SRCAP: variants seen among roughly 807,000 people sequenced by gnomAD.
SRCAP encodes Snf2 related CREBBP activator protein, also known as chromatin remodeling protein SRCAP.
In SRCAP, 46 loss-of-function variants were observed where a neutral mutation model predicts 263.1. The observed-to-expected ratio is 0.17, with a 90% CI of 0.14 to 0.22. SRCAP has a LOEUF of 0.22. Among genes scored for constraint, SRCAP ranks in the 10% least tolerant of loss-of-function variants. The pLI, the probability that SRCAP is intolerant of heterozygous loss-of-function variation, is 1.00. For missense variants in SRCAP, 3,695 were observed against 4,181.9 expected, an observed-to-expected ratio of 0.88 and a Z score of 3.21; for synonymous variants, 1,813 against 1,662.1, an observed-to-expected ratio of 1.09 and a Z score of -2.21.
Position 30,724,585 on chromosome 16 carries a change from G to T in SRCAP, c.5161G>T (p.Ala1721Ser), listed in dbSNP as rs776319241. ...FPTQTLSLTP[A>S]SSLVPTPAQT... Reference sequence around the variant, plus strand: ...AACTCAGACATTGTCATTAACTCCAGCATCATCCCTGGTACCAACTCCAGC... The same window carrying T: ...AACTCAGACATTGTCATTAACTCCATCATCATCCCTGGTACCAACTCCAGC... Residue 1721 changes from alanine (A) to serine (S), a missense_variant, in exon 25 of 34, where the codon GCA becomes TCA. Around this residue, in one of 12 missense-constraint regions of SRCAP, gnomAD observed 1,347 missense variants for 1,304.4 expected, o/e 1.03. Transcript: ENST00000262518. The T allele has an allele frequency of 6.2e-7, 1 of 1,614,128 alleles. No individual in the cohort carries two copies. Among genetic ancestry groups the T allele is most frequent in the South Asian group, 1.1e-5 (1 of 91,084 alleles).
At position 30,733,482 on chromosome 16, in the gene SRCAP, A is replaced by G; in HGVS notation, c.6297+33A>G. 2.5e-6 allele frequency: 4 copies of G among 1,612,662 alleles called. No individual in the cohort carries two copies. Among genetic ancestry groups the G allele is most frequent in the Non-Finnish European group, 3.4e-6 (4 of 1,179,034 alleles). ...AGGTTTCTGCAGCTCTTAGAGGCTCACCTCCGCTTCTCTCTCCTTTTCCCA... is the reference window on the plus strand; with the variant it reads ...AGGTTTCTGCAGCTCTTAGAGGCTCGCCTCCGCTTCTCTCTCCTTTTCCCA... On this transcript the variant is annotated intron_variant, in intron 28 of 33. Coordinates refer to ENST00000262518, the MANE Select transcript of SRCAP (RefSeq NM_006662.3). This position sits in a 1 kb window ranked among gnomAD's most constrained non-coding sequence, Gnocchi z 5.3.
chr16:30,735,567 C>CTTGTAA (rs1555465795), intron 31 of SRCAP, among the ~76,000 whole-genome samples: 11 of 69,588 alleles, frequency 1.6e-4, no homozygotes, highest in Non-Finnish European at 2.5e-4. Context: ...TTTGACATTA[C>CTTGTAA]TTTTTTTTTT....
chr16:30,734,414 TC>T, intron 30 of SRCAP, 81 bp from the exon 31 acceptor site: 1 of 1,582,068 alleles, frequency 6.3e-7, no homozygotes, highest in South Asian at 1.1e-5. Flanking sequence ...CCCTGACAGT[TC>T]CAAGAACCAT....
At chr16:30,713,895 A>G (rs2052917300) in intron 16 of SRCAP, among the ~76,000 whole-genome samples, 184 bp downstream of exon 16, 2 of 128,116 alleles carry the variant, frequency 1.6e-5, no homozygotes, top group African/African-American at 2.5e-5. Context: ...TTAGTCATCA[A>G]TTCTGTTTTT....
rs141507568 is a variant in SRCAP at position 30,723,072 on chromosome 16, G to A, written c.4002G>A (p.Pro1334=). 192 of 1,614,004 alleles carry A rather than the reference G, an allele frequency of 1.2e-4. 1 individual carries two copies. The highest frequency in any genetic ancestry group is 1.5e-4 in the Non-Finnish European group (176 of 1,180,004). Reference sequence around the variant, plus strand: ...CATTGGCCCCAGCACCCCGGCCTCCGAGCTCTGGGCTTCCAGCTGTGTTGA... The same window carrying A: ...CATTGGCCCCAGCACCCCGGCCTCCAAGCTCTGGGCTTCCAGCTGTGTTGA... ...VPPLAPAPRP[P]SSGLPAVLNP... is the part of the protein sequence containing the mutation. Residue 1334 remains proline (P), a synonymous_variant, in exon 24 of 34, where the codon CCG becomes CCA. Transcript: ENST00000262518.
At chr16:30,730,656 T>A (rs1200897770) in intron 27 of SRCAP, among the ~76,000 whole-genome samples, 1 of 151,970 alleles carries the variant, frequency 6.6e-6, no homozygotes, top group East Asian at 1.9e-4. Context: ...GGTCTCGATC[T>A]CCTGACCTCG....
intron 3 of SRCAP, 142 bp from the exon 4 acceptor site, chr16:30,703,922 C>T (rs1051860904): frequency 2.9e-6 from 3 of 1,036,642 alleles, no homozygotes; most frequent in African/African-American, 1.6e-5. Flanking sequence ...AAACTTTATC[C>T]CGAACGTTTG....
Position 30,738,952 on chromosome 16 carries a change from A to G in SRCAP, c.8912A>G (p.His2971Arg), listed in dbSNP as rs138363895. Residue 2971 changes from histidine to arginine, a missense_variant, in exon 34 of 34, where the codon CAC becomes CGC. This residue lies in a region of SRCAP where 1,207 missense variants were observed against 1,142.9 expected (regional missense o/e 1.06). Coordinates refer to ENST00000262518, the MANE Select transcript of SRCAP (RefSeq NM_006662.3). ...GAAAGTCGGACACAGCCACCCCCAC[A>G]CCCATCACCCCTAACCCCACTCCCA... Reference protein sequence around the residue: ...NSESRTQPPPHPSPLTPLPPL... With the variant: ...NSESRTQPPPRPSPLTPLPPL... The G allele has an allele frequency of 1.2e-6, 2 of 1,613,254 alleles. No homozygotes were observed. The highest frequency in any genetic ancestry group is 2.7e-5 in the African/African-American group (2 of 74,800).
chr16:30,737,952 G>A lies in SRCAP; in HGVS notation c.7912G>A (p.Glu2638Lys). 1 of 1,614,214 alleles carries A rather than the reference G, an allele frequency of 6.2e-7. No homozygotes were observed. The highest frequency in any genetic ancestry group is 8.5e-7 in the Non-Finnish European group (1 of 1,180,040). Residue 2638 changes from glutamate (E) to lysine (K), a missense_variant, in exon 34 of 34, where the codon GAA becomes AAA. Physicochemically the swap from Glu to Lys is moderately conservative, Grantham distance 56. Around this residue, in one of 12 missense-constraint regions of SRCAP, gnomAD observed 1,207 missense variants for 1,142.9 expected, o/e 1.06. Transcript: ENST00000262518. Reference sequence around the variant, plus strand: ...GGGGACCACCCTTACAGTGCTGCCTGAAGGTGAGGAGTTGCCCCTGTGTGT... The same window carrying A: ...GGGGACCACCCTTACAGTGCTGCCTAAAGGTGAGGAGTTGCCCCTGTGTGT... ...AEGTTLTVLPEGEELPLCVSE... is the reference protein window; with the variant it reads ...AEGTTLTVLPKGEELPLCVSE...
At chr16:30,720,024 T>A (rs1596653196) in intron 18 of SRCAP, 138 bp from the exon 19 acceptor site, 4 of 847,846 alleles carry the variant, frequency 4.7e-6, no homozygotes, top group Non-Finnish European at 7.3e-6. Context: ...TAGCTCCCAC[T>A]TGTGAGTGAG....
At position 30,715,287 on chromosome 16, in the gene SRCAP, C is replaced by G. The variant is rs551341788; in HGVS notation, c.2494-779C>G. Among the ~76,000 whole-genome samples the G allele has an allele frequency of 2.0e-5, 3 of 152,338 alleles. No individual in the cohort carries two copies. In the East Asian group the frequency reaches 5.8e-4, roughly 29 times the overall value. ...CTAAGCTAGAAAACAGGAAGTCGGC[C>G]GGGCGCGGTGGCTCACGCCTGTAAT... On this transcript the variant is annotated intron_variant, in intron 16 of 33. Coordinates refer to ENST00000262518, the MANE Select transcript of SRCAP (RefSeq NM_006662.3).
At chr16:30,725,409 C>A in intron 25 of SRCAP, 1 of 308,474 alleles carries the variant, frequency 3.2e-6, no homozygotes, top group Non-Finnish European at 6.1e-6. Flanking sequence ...GTAGCTGTTT[C>A]TTTCCTGTAC....
At chr16:30,704,852 G>T (rs1181435646) in intron 4 of SRCAP, among the ~76,000 whole-genome samples, 3 of 151,974 alleles carry the variant, frequency 2.0e-5, no homozygotes, top group African/African-American at 7.2e-5. Flanking sequence ...AAAAAAAAAG[G>T]AGAAAATAGA....
chr16:30,700,703 C>T lies in SRCAP; in HGVS notation c.-122C>T. The T allele has an allele frequency of 1.0e-6, 1 of 969,782 alleles. No homozygotes were observed. 60.1% of individuals were successfully genotyped at this position (969,782 alleles called of 1,614,324 possible). ...GAAGGCGGGTCCCGGTGGCCGGTGG[C>T]CCAGAATGAGGCCAGCTCCCAGCAT... On this transcript the variant is annotated 5_prime_UTR_variant, in exon 3 of 34. Transcript: ENST00000262518.
chr16:30,711,622 C>T lies in SRCAP; in HGVS notation c.1370C>T (p.Pro457Leu). The T allele has an allele frequency of 6.2e-7, 1 of 1,613,466 alleles. No individual in the cohort carries two copies. Among genetic ancestry groups the T allele is most frequent in the Non-Finnish European group, 8.5e-7 (1 of 1,179,742 alleles). ...CAGCAGTATGCAGGAGCCTATGCCC[C>T]AGGCTCTGGGAGCAGTGAAGATGAG... Reference protein sequence around the residue: ...LLQQYAGAYAPGSGSSEDEDE... With the variant: ...LLQQYAGAYALGSGSSEDEDE... The change falls in exon 11 of 34, where the codon CCA (proline) becomes CTA (leucine). Residue 457 changes from proline to leucine, a missense_variant. Physicochemically the swap from Pro to Leu is moderately conservative, Grantham distance 98. This residue lies in a region of SRCAP where 288 missense variants were observed against 302.4 expected (regional missense o/e 0.95). Transcript: ENST00000262518.
Position 30,728,990 on chromosome 16 carries a change from C to T in SRCAP, c.5683C>T (p.Arg1895Trp), listed in dbSNP as rs1458359189. The change falls in exon 26 of 34, where the codon CGG becomes TGG. Residue 1895 changes from arginine to tryptophan, a missense_variant. Arg to Trp is a moderately radical substitution (Grantham distance 101). Transcript: ENST00000262518. ...GGACTCCCTGGAGGAAAAGCGGAAG[C>T]GGCAGCGGTCTGAACGCCTGGAACG... is the stretch of plus-strand genomic sequence containing the variant. ...YLDSLEEKRK[R>W]QRSERLERIF... The T allele has an allele frequency of 9.9e-6, 16 of 1,613,426 alleles. No individual in the cohort carries two copies. Among genetic ancestry groups the T allele is most frequent in the East Asian group, 2.2e-5 (1 of 44,866 alleles).
chr16:30,722,314 CT>C, intron 22 of SRCAP, 28 bp downstream of exon 22: 1 of 1,602,390 alleles, frequency 6.2e-7, no homozygotes, highest in Non-Finnish European at 8.5e-7. Flanking sequence ...CCTGTCCTGC[CT>C]TTTTCCTCCT....
At position 30,700,750 on chromosome 16, in the gene SRCAP, C is replaced by T; in HGVS notation, c.-75C>T. The T allele has an allele frequency of 6.9e-7, 1 of 1,441,372 alleles. No homozygotes were observed. Among genetic ancestry groups the T allele is most frequent in the African/African-American group, 1.4e-5 (1 of 71,302 alleles). The allele number at this position is 1,441,372 out of a possible 1,614,324, so 89.3% of individuals were successfully genotyped here. A position where few individuals can be genotyped will look rare whatever the true frequency, so the allele number is the denominator to read the frequency against. ...GCATGCCCTGCAGCCGGACGCCAGCCCCTCGGCCAGCAGTACTGGTGATAA... is the reference window on the plus strand; with the variant it reads ...GCATGCCCTGCAGCCGGACGCCAGCTCCTCGGCCAGCAGTACTGGTGATAA... On this transcript the variant is annotated 5_prime_UTR_variant, in exon 3 of 34. Coordinates refer to ENST00000262518, the MANE Select transcript of SRCAP (RefSeq NM_006662.3).
intron 2 of SRCAP, among the ~76,000 whole-genome samples, chr16:30,700,269 C>T (rs535430587): frequency 1.3e-5 from 2 of 152,148 alleles, no homozygotes; most frequent in South Asian, 2.1e-4. Context: ...TGTAACCTTC[C>T]GCAAATCATA....
Sources: gnomAD v4.1 joint callset for allele counts (sites outside exome capture counted in the v4.1 genomes callset) on GRCh38, gnomAD v4.1.1 for gene constraint, gnomAD v4.1.1 regional missense constraint, Gnocchi (gnomAD v3.1) non-coding constraint, MANE v1.5 for transcripts, NCBI Gene and HGNC (gene_info 2026-07-23, HGNC 2026-07-21) for gene names.